Variants in NEK7 observed in about 807,000 individuals in gnomAD.
NEK7 encodes serine/threonine-protein kinase Nek7.
A neutral mutation model predicts 44.6 loss-of-function variants in NEK7; 18 were observed. The observed-to-expected ratio is 0.40, with a 90% confidence interval of 0.28 to 0.60. The LOEUF is 0.60. Among genes scored for constraint, NEK7 ranks in the 20% least tolerant of loss-of-function variants. The pLI is 0.38. For missense variants in NEK7, 256 were observed against 366.5 expected (o/e 0.70, Z 2.46); for synonymous variants, 130 against 121.1 (o/e 1.07, Z -0.48).
intron 1 of NEK7, among the ~76,000 whole-genome samples, chr1:198,201,741 A>G (rs1665434909): frequency 6.6e-6 from 1 of 152,048 alleles, no homozygotes; most frequent in African/African-American, 2.4e-5. Context: ...CACCCTGTTG[A>G]TAGTCTTTTA....
intron 9 of NEK7, among the ~76,000 whole-genome samples, chr1:198,298,606 T>C (rs1189258313): frequency 6.6e-6 from 1 of 152,220 alleles, no homozygotes; most frequent in Non-Finnish European, 1.5e-5. Flanking sequence ...ACTTCAGAAC[T>C]ATAGGCCTGG....
At chr1:198,226,917 T>G (rs559079330) in intron 1 of NEK7, among the ~76,000 whole-genome samples, 31 of 152,196 alleles carry the variant, frequency 2.0e-4, no homozygotes, top group African/African-American at 6.5e-4. Context: ...ATACACAACG[T>G]GCAGGTTAGT....
chr1:198,235,490 T>C (rs1013756645), intron 2 of NEK7, among the ~76,000 whole-genome samples: 3 of 152,314 alleles, frequency 2.0e-5, no homozygotes, highest in Admixed American at 6.5e-5. Context: ...CTTTGGACTC[T>C]TGTTTTTGGA....
chr1:198,231,299 GTGTATATATATATATATATATATA>G (rs1392087685), intron 1 of NEK7, among the ~76,000 whole-genome samples: 10 of 98,270 alleles, frequency 1.0e-4, no homozygotes, highest in African/African-American at 4.3e-4. Flanking sequence ...GTATGTGTGT[GTGTATATATATATATATATATATA>G]TATATATATA....
chr1:198,281,773 T>G (rs1357812610), intron 7 of NEK7, among the ~76,000 whole-genome samples: 1 of 152,116 alleles, frequency 6.6e-6, no homozygotes, highest in Non-Finnish European at 1.5e-5. Flanking sequence ...TTGGCAAGTC[T>G]TTGCATTTTC....
intron 2 of NEK7, among the ~76,000 whole-genome samples, chr1:198,243,907 G>T (rs542323667): frequency 1.1e-4 from 16 of 147,566 alleles, no homozygotes; most frequent in Non-Finnish European, 2.4e-4. Context: ...TTGTTTATTT[G>T]CCTTTTTTGG....
chr1:198,227,330 C>T (rs535119242), intron 1 of NEK7, among the ~76,000 whole-genome samples: 1 of 152,156 alleles, frequency 6.6e-6, no homozygotes, highest in Non-Finnish European at 1.5e-5. Context: ...TATAAACATA[C>T]GTGTGCATGT....
intron 7 of NEK7, among the ~76,000 whole-genome samples, chr1:198,285,774 G>C (rs1191212643): frequency 6.6e-6 from 1 of 152,088 alleles, no homozygotes; most frequent in Admixed American, 6.5e-5. Flanking sequence ...ATGGCTTTGA[G>C]ATAGAGGAAA....
intron 7 of NEK7, among the ~76,000 whole-genome samples, chr1:198,283,256 C>T (rs912080902): frequency 2.0e-5 from 3 of 152,100 alleles, no homozygotes; most frequent in African/African-American, 4.8e-5. Flanking sequence ...ACAGCAGCCA[C>T]GAGCCTCCTT....
At chr1:198,299,037 C>T (rs6682269) in intron 9 of NEK7, among the ~76,000 whole-genome samples, 14,599 of 152,194 alleles carry the variant, frequency 0.096, 924 homozygotes, top group East Asian at 0.22. Flanking sequence ...AAATAGATTC[C>T]ACTTTTTACT....
At chr1:198,161,365 A>G (rs1417147224) in intron 1 of NEK7, among the ~76,000 whole-genome samples, 2 of 152,200 alleles carry the variant, frequency 1.3e-5, no homozygotes, top group African/African-American at 2.4e-5. Context: ...ATCTGCTGCC[A>G]TTGTAGCCAA....
chr1:198,288,454 T>C (rs1474176038), intron 7 of NEK7, among the ~76,000 whole-genome samples: 1 of 152,150 alleles, frequency 6.6e-6, no homozygotes, highest in African/African-American at 2.4e-5. Context: ...TCTCTGCTTC[T>C]TAATTTGGAA....
At chr1:198,215,744 G>A (rs983382691) in intron 1 of NEK7, among the ~76,000 whole-genome samples, 9 of 151,970 alleles carry the variant, frequency 5.9e-5, no homozygotes, top group Admixed American at 2.0e-4. Flanking sequence ...AACTAAAAGC[G>A]AGCAGGAATA....
At chr1:198,307,079 T>G (rs912987707) in intron 9 of NEK7, among the ~76,000 whole-genome samples, 1 of 152,132 alleles carries the variant, frequency 6.6e-6, no homozygotes, top group African/African-American at 2.4e-5. Flanking sequence ...TGTATACCTG[T>G]TATGACCAAC....
chr1:198,257,439 G>C (rs910322107), intron 3 of NEK7, among the ~76,000 whole-genome samples: 1 of 152,144 alleles, frequency 6.6e-6, no homozygotes, highest in Non-Finnish European at 1.5e-5. Flanking sequence ...TATATGATCA[G>C]AAATTTGTGG....
chr1:198,250,325 C>T (rs893006563), intron 2 of NEK7, among the ~76,000 whole-genome samples: 2 of 151,514 alleles, frequency 1.3e-5, no homozygotes, highest in Non-Finnish European at 2.9e-5. Flanking sequence ...ATGCCTCCAG[C>T]TTTGTTCTTT....
chr1:198,243,161 T>G (rs1039006625), intron 2 of NEK7, among the ~76,000 whole-genome samples: 2 of 152,218 alleles, frequency 1.3e-5, no homozygotes, highest in African/African-American at 4.8e-5. Context: ...TGTGTAAATG[T>G]TACATCCTCA....
At chr1:198,169,892 G>T (rs972724812) in intron 1 of NEK7, among the ~76,000 whole-genome samples, 7 of 152,066 alleles carry the variant, frequency 4.6e-5, no homozygotes, top group African/African-American at 1.7e-4. Context: ...TTTTCTGTAG[G>T]GCCTAGGACC....
At chr1:198,207,154 T>C (rs575167726) in intron 1 of NEK7, 1 of 152,290 alleles carries the variant, frequency 6.6e-6, no homozygotes, top group South Asian at 2.1e-4. Context: ...TCCAGTATTT[T>C]TGATAATCTT....
Sources: allele counts gnomAD v4.1 joint callset (sites outside exome capture counted in the v4.1 genomes callset), GRCh38; gene constraint gnomAD v4.1.1; transcripts MANE v1.5; gene names NCBI Gene and HGNC (gene_info 2026-07-23, HGNC 2026-07-21).